Variants in CASP10 observed in about 807,000 individuals in gnomAD.
CASP10 encodes caspase-10.
A neutral mutation model predicts 48.5 loss-of-function variants in CASP10; 41 were observed. The observed-to-expected ratio is 0.85, with a 90% confidence interval of 0.66 to 1.10. The LOEUF (loss-of-function observed/expected upper bound fraction) is 1.10. Ranked by LOEUF, CASP10 falls within the 50% of genes least tolerant of loss-of-function variation. The probability of loss-of-function intolerance (pLI) is 0.00; values close to 1 mark genes in which losing one functional copy is unlikely to be tolerated. For synonymous variants in CASP10, 232 were observed against 238.4 expected (o/e 0.97, Z 0.25); for missense variants, 614 against 614.5 (o/e 1.00, Z 0.01).
downstream of CASP10, among the ~76,000 whole-genome samples, chr2:201,222,509 ATTCT>A (rs1490220277): frequency 6.6e-6 from 1 of 152,200 alleles, no homozygotes; most frequent in Non-Finnish European, 1.5e-5. Flanking sequence ...GGCCTCATTC[ATTCT>A]TTCTTTCATA....
chr2:201,222,110 G>C (rs566780734), downstream of CASP10, among the ~76,000 whole-genome samples: 16 of 152,218 alleles, frequency 1.1e-4, no homozygotes, highest in South Asian at 1.7e-3. Flanking sequence ...ATGTTTATGA[G>C]GGGAATAGGT....
intron 6 of CASP10, among the ~76,000 whole-genome samples, chr2:201,204,194 C>T (rs946915400): frequency 6.6e-6 from 1 of 152,172 alleles, no homozygotes. Flanking sequence ...AGAGGAGGGA[C>T]TTGAGGATGG....
intron 7 of CASP10, 38 bp downstream of exon 7, chr2:201,206,011 A>T (rs554599369): frequency 3.5e-4 from 494 of 1,423,022 alleles, no homozygotes; most frequent in African/African-American, 2.6e-3. Flanking sequence ...TTAATAAAAA[A>T]ATTTTTTTTC....
chr2:201,209,637 CT>C, intron 9 of CASP10, 75 bp downstream of exon 9: 3 of 1,451,318 alleles, frequency 2.1e-6, no homozygotes, highest in Non-Finnish European at 2.8e-6. Context: ...CATTCAACAC[CT>C]TTGGTAAGGG....
intron 4 of CASP10, 111 bp from the exon 5 acceptor site, chr2:201,195,731 G>T (rs552345754): frequency 1.8e-5 from 14 of 787,074 alleles, no homozygotes; most frequent in Non-Finnish European, 2.5e-5. Context: ...AGGCTGCAGT[G>T]CAGTGGGGCA....
chr2:201,205,817 A>T, intron 6 of CASP10, 65 bp from the exon 7 acceptor site: 1 of 1,001,148 alleles, frequency 1.0e-6, no homozygotes, highest in African/African-American at 1.6e-5. Context: ...AGATGCGAAA[A>T]TTATCAGTGA....
rs76446255 is a variant in CASP10 at position 201,192,900 on chromosome 2, A to G, written c.442-84A>G. ...TATCTTATTTATCAGTGCAAAACCTAGTGCCTACTGGCCATGCAGATAACA... is the reference window on the plus strand; with the variant it reads ...TATCTTATTTATCAGTGCAAAACCTGGTGCCTACTGGCCATGCAGATAACA... On this transcript the variant is annotated intron_variant, in intron 3 of 9. Transcript: ENST00000286186. 1,923 of 1,394,120 alleles carry G rather than the reference A, an allele frequency of 1.4e-3. 16 individuals carry two copies. In the African/African-American group the frequency reaches 0.021, roughly 15 times the overall value. 86.4% of individuals were successfully genotyped at this position (1,394,120 alleles called of 1,614,324 possible). A position where few individuals can be genotyped will look rare whatever the true frequency, so the allele number is the denominator to read the frequency against.
chr2:201,201,321 T>C (rs1355179323), intron 5 of CASP10, among the ~76,000 whole-genome samples: 1 of 152,084 alleles, frequency 6.6e-6, no homozygotes, highest in Admixed American at 6.5e-5. Context: ...TGAGCTATTG[T>C]GCATGGCCAT....
At chr2:201,202,864 A>G (rs954789049) in intron 5 of CASP10, among the ~76,000 whole-genome samples, 1 of 152,208 alleles carries the variant, frequency 6.6e-6, no homozygotes, top group Non-Finnish European at 1.5e-5. Flanking sequence ...TTAATTTTGT[A>G]TTTAATTATA....
intron 5 of CASP10, 98 bp from the exon 6 acceptor site, chr2:201,203,632 T>G: frequency 9.4e-7 from 1 of 1,067,304 alleles, no homozygotes; most frequent in Non-Finnish European, 1.5e-6. Context: ...TGGCTGTGGA[T>G]TAGATATCTG....
At chr2:201,200,962 T>C (rs1944997083) in intron 5 of CASP10, among the ~76,000 whole-genome samples, 1 of 152,190 alleles carries the variant, frequency 6.6e-6, no homozygotes, top group Non-Finnish European at 1.5e-5. Context: ...GCAACATTTA[T>C]GGGCCAACTC....
chr2:201,203,884 A>G (rs1945113539), intron 6 of CASP10, 118 bp downstream of exon 6: 1 of 856,294 alleles, frequency 1.2e-6, no homozygotes, highest in African/African-American at 1.7e-5. Context: ...ATAATGAATA[A>G]TTCATTTTTT....
chr2:201,220,131 G>A lies in CASP10; in HGVS notation c.*2390G>A. On this transcript the variant is annotated 3_prime_UTR_variant, in exon 10 of 10. Coordinates refer to ENST00000286186, the MANE Select transcript of CASP10 (RefSeq NM_032977.4). ...CTCTGATTGTCATGTGGATTTGAAT[G>A]TAGCTTGACAGAGGGAATGTCTAAT... 1 of 985,422 alleles carries A rather than the reference G, an allele frequency of 1.0e-6. No individual in the cohort carries two copies. Among genetic ancestry groups the A allele is most frequent in the South Asian group, 4.7e-5 (1 of 21,284 alleles). 61.0% of individuals were successfully genotyped at this position (985,422 alleles called of 1,614,324 possible). A position where few individuals can be genotyped will look rare whatever the true frequency, so the allele number is the denominator to read the frequency against.
At chr2:201,195,322 C>T (rs1944753162) in intron 4 of CASP10, among the ~76,000 whole-genome samples, 1 of 151,840 alleles carries the variant, frequency 6.6e-6, no homozygotes, top group Non-Finnish European at 1.5e-5. Context: ...AAACTCTTGA[C>T]CTCAAGTGAT....
intron 6 of CASP10, among the ~76,000 whole-genome samples, chr2:201,204,257 T>A (rs1372811078): frequency 6.6e-6 from 1 of 152,196 alleles, no homozygotes; most frequent in Non-Finnish European, 1.5e-5. Flanking sequence ...AGGAAAATAT[T>A]CCAGAATCTG....
chr2:201,199,281 T>A (rs964585665), intron 5 of CASP10, among the ~76,000 whole-genome samples: 20 of 152,200 alleles, frequency 1.3e-4, no homozygotes, highest in Non-Finnish European at 2.5e-4. Flanking sequence ...TATTCCAATT[T>A]TGTCTGTTGA....
chr2:201,209,049 T>C, intron 8 of CASP10, 21 bp from the exon 9 acceptor site: 1 of 1,599,414 alleles, frequency 6.3e-7, no homozygotes, highest in Non-Finnish European at 8.5e-7. Context: ...CTCTTTTTTT[T>C]TTTTTTTTGT....
Position 201,209,552 on chromosome 2 carries a change from T to C in CASP10, c.1405T>C (p.Leu469=), listed in dbSNP as rs773302135. 22 of 1,607,990 alleles carry C rather than the reference T, an allele frequency of 1.4e-5. No individual in the cohort carries two copies. Among genetic ancestry groups the C allele is most frequent in the Non-Finnish European group, 1.9e-5 (22 of 1,178,418 alleles). The part of the protein sequence containing the change: ...IQSLCNHLKK[L]VPRHEDILSI... ...GTCTCTGTGTAATCATCTGAAGAAA[T>C]TGGTCCCAAGGTGAGAGCTCTTTTT... Residue 469 remains leucine (L), a synonymous_variant, in exon 9 of 10, where the codon TTG becomes CTG. Transcript: ENST00000286186.
chr2:201,186,537 G>A (rs1238487402), intron 2 of CASP10, among the ~76,000 whole-genome samples: 1 of 152,204 alleles, frequency 6.6e-6, no homozygotes, highest in Non-Finnish European at 1.5e-5. Context: ...GATGAAAAAA[G>A]AGATGTGTTT....
Sources: gnomAD v4.1 joint callset for allele counts (sites outside exome capture counted in the v4.1 genomes callset) on GRCh38, gnomAD v4.1.1 for gene constraint, MANE v1.5 for transcripts, NCBI Gene and HGNC (gene_info 2026-07-23, HGNC 2026-07-21) for gene names.